CAMSAP1: variants seen among roughly 807,000 people sequenced by gnomAD.
CAMSAP1 encodes calmodulin-regulated spectrin-associated protein 1.
Under a neutral mutation model 143.5 loss-of-function variants are expected in CAMSAP1, and 58 were observed. The observed-to-expected ratio is 0.40, with a 90% CI of 0.33 to 0.50. The LOEUF (loss-of-function observed/expected upper bound fraction) is 0.50, where lower values mean the gene tolerates loss of function less well. Ranked by LOEUF, CAMSAP1 falls within the 20% of genes least tolerant of loss-of-function variation. The pLI is 0.45. For missense variants in CAMSAP1, 1,969 were observed against 2,115.7 expected (o/e 0.93, Z 1.36); for synonymous variants, 945 against 859.3 (o/e 1.10, Z -1.74).
rs1427914168 is a variant in CAMSAP1 at position 135,907,449 on chromosome 9, A to AGCGGGCCGGGG, written c.-301_-291dup. On this transcript the variant is annotated 5_prime_UTR_variant, in exon 1 of 17. Transcript: ENST00000389532. ...GGGCGGGGGCGGGCGCGGGGGCGGG[A>AGCGGGCCGGGG]GCGGGCCGGGGGCGGTGGCAGCGCG... Among the ~76,000 whole-genome samples the AGCGGGCCGGGG allele has an allele frequency of 1.5e-5, 2 of 137,226 alleles. No individual in the cohort carries two copies. The highest frequency in any genetic ancestry group is 2.6e-5 in the African/African-American group (1 of 37,890). The allele number at this position is 137,226 out of a possible 152,430, so 90.0% of individuals were successfully genotyped here.
intron 1 of CAMSAP1, among the ~76,000 whole-genome samples, 184 bp downstream of exon 1, chr9:135,906,816 G>A (rs544180323): frequency 2.6e-4 from 39 of 151,998 alleles, no homozygotes; most frequent in Non-Finnish European, 5.2e-4. Context: ...AGGTGACCGC[G>A]TCCCCACGCT....
In CAMSAP1 at chr9:135,886,519, G is replaced by A. The variant is rs549514928; in HGVS notation, c.161-3441C>T. Among the ~76,000 whole-genome samples, 20 of 152,340 alleles carry A rather than the reference G, an allele frequency of 1.3e-4. No homozygotes were observed. In the South Asian group the frequency reaches 2.7e-3, roughly 20 times the overall value. On this transcript the variant is annotated intron_variant, in intron 1 of 16. Coordinates refer to ENST00000389532, the MANE Select transcript of CAMSAP1 (RefSeq NM_015447.4). ...AAGTGACAGCAGTTCAGAATTGCGC[G>A]GAAGAGGCAAACTGGATGTTTCATT...
chr9:135,812,662 G>C (rs775533404), intron 16 of CAMSAP1, among the ~76,000 whole-genome samples: 1 of 152,190 alleles, frequency 6.6e-6, no homozygotes, highest in Non-Finnish European at 1.5e-5. Flanking sequence ...TACGGTATGT[G>C]AATGATATCT....
At chr9:135,830,423 C>T (rs1835820268) in intron 7 of CAMSAP1, among the ~76,000 whole-genome samples, 1 of 152,200 alleles carries the variant, frequency 6.6e-6, no homozygotes, top group Non-Finnish European at 1.5e-5. Flanking sequence ...CTATACTTAC[C>T]TCAGACAAAA....
intron 7 of CAMSAP1, among the ~76,000 whole-genome samples, chr9:135,841,962 T>A (rs1836368085): frequency 6.6e-6 from 1 of 152,152 alleles, no homozygotes. Flanking sequence ...TCACAACTCC[T>A]TGCCAGCAAG....
In CAMSAP1 at chr9:135,811,739, C is replaced by A; in HGVS notation, c.4507-128G>T. On this transcript the variant is annotated intron_variant, in intron 16 of 16. Coordinates refer to ENST00000389532, the MANE Select transcript of CAMSAP1 (RefSeq NM_015447.4). The surrounding 1 kb of genome is among the most constrained non-coding windows in gnomAD (Gnocchi z 4.9). ...AGCTCTCCCACCCGTCAGCTACGGCCTGCCTGTTGTAAACAATTACAGCAG... is the reference window on the plus strand; with the variant it reads ...AGCTCTCCCACCCGTCAGCTACGGCATGCCTGTTGTAAACAATTACAGCAG... 1.2e-6 allele frequency: 1 copy of A among 831,532 alleles called. No individual in the cohort carries two copies. The allele number at this position is 831,532 out of a possible 1,614,324, so 51.5% of individuals were successfully genotyped here. A position where few individuals can be genotyped will look rare whatever the true frequency, so the allele number is the denominator to read the frequency against.
chr9:135,821,238 G>A lies in CAMSAP1; in HGVS notation c.3423C>T (p.His1141=), dbSNP rs1429318268. The A allele has an allele frequency of 6.2e-7, 1 of 1,608,246 alleles. No individual in the cohort carries two copies. Among genetic ancestry groups the A allele is most frequent in the Admixed American group, 1.7e-5 (1 of 60,030 alleles). The change falls in exon 11 of 17, where the codon CAC becomes CAT. Residue 1141 remains histidine, a synonymous_variant. Transcript: ENST00000389532. This position sits in a 1 kb window ranked among gnomAD's most constrained non-coding sequence, Gnocchi z 4.6. The stretch of plus-strand genomic sequence containing the variant: ...GGCCAGGGTCCGTGGGCGTCCGAGG[G>A]TGGCTGCTGGCAGGGAAGGGTCTCA... ...PHLRPFPASS[H]PRTPTDPGLD... is the part of the protein sequence containing the mutation.
At chr9:135,901,918 C>G (rs914546660) in intron 1 of CAMSAP1, among the ~76,000 whole-genome samples, 2 of 152,186 alleles carry the variant, frequency 1.3e-5, no homozygotes, top group African/African-American at 4.8e-5. Flanking sequence ...CTCAGTACAC[C>G]CGAAGACACC....
chr9:135,906,398 A>C (rs2131042279), intron 1 of CAMSAP1, among the ~76,000 whole-genome samples: 1 of 152,362 alleles, frequency 6.6e-6, no homozygotes, highest in South Asian at 2.1e-4. Context: ...ACGAAACAGA[A>C]GCGTCTTAAT....
chr9:135,821,787 G>A lies in CAMSAP1; in HGVS notation c.2874C>T (p.Leu958=), dbSNP rs138126670. 3.5e-5 allele frequency: 57 copies of A among 1,613,762 alleles called. No homozygotes were observed. Among genetic ancestry groups the A allele is most frequent in the South Asian group, 2.0e-4 (18 of 91,070 alleles). Residue 958 remains leucine (L), a synonymous_variant, in exon 11 of 17, where the codon CTC becomes CTT. Coordinates refer to ENST00000389532, the MANE Select transcript of CAMSAP1 (RefSeq NM_015447.4). The surrounding 1 kb of genome is among the most constrained non-coding windows in gnomAD (Gnocchi z 4.6). ...GCTCCTCTCTCTGCTCCTCCTTCAC[G>A]AGAAAGTCTTCGGTTTTGGAAACAG... The part of the protein sequence containing the change: ...GDAVSKTEDF[L]VKEEQREELL...
rs147447431 is a variant in CAMSAP1, at chr9:135,821,000, C to T, written c.3661G>A (p.Val1221Ile). 62 of 1,612,714 alleles carry T rather than the reference C, an allele frequency of 3.8e-5. No individual in the cohort carries two copies. In the Admixed American group the frequency reaches 4.5e-4, roughly 12 times the overall value. Residue 1221 changes from valine to isoleucine, a missense_variant, in exon 11 of 17, where the codon GTC (valine) becomes ATC (isoleucine). Coordinates refer to ENST00000389532, the MANE Select transcript of CAMSAP1 (RefSeq NM_015447.4). The surrounding 1 kb of genome is among the most constrained non-coding windows in gnomAD (Gnocchi z 4.4). ...SSSDVSGKESVPVEEPLRSRA... is the reference protein window; with the variant it reads ...SSSDVSGKESIPVEEPLRSRA... The stretch of plus-strand genomic sequence containing the variant: ...CTCCTCAGAGGCTCCTCCACGGGGA[C>T]GCTCTCTTTTCCCGAGACATCTGAG...
chr9:135,811,629 AG>A lies in CAMSAP1; in HGVS notation c.4507-19del. The A allele has an allele frequency of 3.8e-6, 6 of 1,565,742 alleles. No homozygotes were observed. Among genetic ancestry groups the A allele is most frequent in the Non-Finnish European group, 5.2e-6 (6 of 1,154,322 alleles). On this transcript the variant is annotated intron_variant, in intron 16 of 16. Coordinates refer to ENST00000389532, the MANE Select transcript of CAMSAP1 (RefSeq NM_015447.4). The surrounding 1 kb of genome is among the most constrained non-coding windows in gnomAD (Gnocchi z 4.9). ...TCCAGCTCCTGTGCAGAGAGAGAAA[AG>A]GGGAAGAGACAAACACTTCAGGGCC...
At chr9:135,865,602 C>T (rs750164570) in intron 4 of CAMSAP1, among the ~76,000 whole-genome samples, 1 of 152,160 alleles carries the variant, frequency 6.6e-6, no homozygotes, top group Non-Finnish European at 1.5e-5. Context: ...AAGAAAACTT[C>T]GGAAACTTGG....
chr9:135,823,281 A>G, intron 10 of CAMSAP1, 21 bp from the exon 11 acceptor site: 2 of 1,533,594 alleles, frequency 1.3e-6, no homozygotes, highest in Non-Finnish European at 1.8e-6. Flanking sequence ...GGGAAGGCCC[A>G]CTGGGTGCGC....
intron 1 of CAMSAP1, among the ~76,000 whole-genome samples, chr9:135,896,945 G>A (rs1838474128): frequency 6.6e-6 from 1 of 152,144 alleles, no homozygotes; most frequent in African/African-American, 2.4e-5. Context: ...TGCCATCTAT[G>A]AGGAACAGGC....
chr9:135,866,979 A>G (rs970642285), intron 3 of CAMSAP1, among the ~76,000 whole-genome samples: 5 of 152,216 alleles, frequency 3.3e-5, no homozygotes, highest in African/African-American at 1.2e-4. Flanking sequence ...ATACCAAACC[A>G]AATCTAATTA....
intron 3 of CAMSAP1, among the ~76,000 whole-genome samples, chr9:135,870,650 C>G (rs1837539723): frequency 6.6e-6 from 1 of 152,020 alleles, no homozygotes; most frequent in African/African-American, 2.4e-5. Context: ...AAAAAATTAC[C>G]CAGGCACAGT....
intron 3 of CAMSAP1, among the ~76,000 whole-genome samples, chr9:135,877,406 G>T (rs1228400377): frequency 6.6e-6 from 1 of 151,226 alleles, no homozygotes; most frequent in African/African-American, 2.4e-5. Flanking sequence ...TACCTTGATT[G>T]TGGTGAATGC....
chr9:135,893,350 A>G (rs1838348660), intron 1 of CAMSAP1, among the ~76,000 whole-genome samples: 1 of 151,816 alleles, frequency 6.6e-6, no homozygotes, highest in African/African-American at 2.4e-5. Context: ...AAAGAAAAAG[A>G]AAAGGCAGGA....
Sources: gnomAD v4.1 joint callset for allele counts (sites outside exome capture counted in the v4.1 genomes callset) on GRCh38, gnomAD v4.1.1 for gene constraint, Gnocchi (gnomAD v3.1) non-coding constraint, MANE v1.5 for transcripts, NCBI Gene and HGNC (gene_info 2026-07-23, HGNC 2026-07-21) for gene names.